The following MYH9 variants were observed in gnomAD, a reference collection of about 807,000 sequenced individuals.
MYH9 encodes myosin heavy chain 9.
MYH9 carries 29 observed loss-of-function variants against 241.9 expected under a neutral mutation model. The ratio of observed to expected loss-of-function variants is 0.12; its 90% CI spans 0.09 to 0.16. The LOEUF is 0.16. MYH9 is among the 10% of genes least tolerant of loss of function. The pLI is 1.00. For missense variants in MYH9, 1,803 were observed against 2,595.5 expected, an observed-to-expected ratio of 0.69 and a Z score of 6.63; for synonymous variants, 1,047 against 1,062.6, an observed-to-expected ratio of 0.99 and a Z score of 0.29.
intron 1 of MYH9, among the ~76,000 whole-genome samples, chr22:36,359,539 C>T (rs761361756): frequency 1.3e-5 from 2 of 152,214 alleles, no homozygotes; most frequent in Non-Finnish European, 2.9e-5. Context: ...GGAAAGAATG[C>T]ATACTGGGGC....
chr22:36,288,418 G>A lies in MYH9; in HGVS notation c.4771-5C>T. 1 of 1,607,972 alleles carries A rather than the reference G, an allele frequency of 6.2e-7. No individual in the cohort carries two copies. The highest frequency in any genetic ancestry group is 1.1e-5 in the South Asian group (1 of 91,066). ...CTCTGCCTCCATCTCCCGCACCTGG[G>A]GGAAGGAACATCAACAACTTGGGAA... On this transcript the variant is annotated splice_region_variant and splice_polypyrimidine_tract_variant and intron_variant, in intron 33 of 40. Coordinates refer to ENST00000216181, the MANE Select transcript of MYH9 (RefSeq NM_002473.6). This position sits in a 1 kb window ranked among gnomAD's most constrained non-coding sequence, Gnocchi z 4.8.
At chr22:36,286,646 A>T in intron 35 of MYH9, 72 bp downstream of exon 35, 1 of 1,600,872 alleles carries the variant, frequency 6.2e-7, no homozygotes, top group Non-Finnish European at 8.5e-7. Context: ...CCCTGTCCTC[A>T]GCTGAAAGCC....
chr22:36,354,909 C>T (rs2017828324), intron 1 of MYH9, among the ~76,000 whole-genome samples: 1 of 149,540 alleles, frequency 6.7e-6, no homozygotes, highest in East Asian at 2.0e-4. Flanking sequence ...AAGCAACCAA[C>T]CAGCATCATC....
At chr22:36,376,677 G>A (rs751960681) in intron 1 of MYH9, among the ~76,000 whole-genome samples, 3 of 152,172 alleles carry the variant, frequency 2.0e-5, no homozygotes, top group South Asian at 4.1e-4. Context: ...CTCCTCCCAG[G>A]GATTCCCCGA....
rs1430747182 is a variant in MYH9, at chr22:36,320,754, A to G, written c.868+44T>C. On this transcript the variant is annotated intron_variant, in intron 8 of 40. Coordinates refer to ENST00000216181, the MANE Select transcript of MYH9 (RefSeq NM_002473.6). The surrounding 1 kb of genome is among the most constrained non-coding windows in gnomAD (Gnocchi z 4.8). ...ACGGTCCAATTCTGGCAAGAGGCCC[A>G]GAGCCCGGCAGCCCCGGTGTCAGGC... 1 of 1,528,704 alleles carries G rather than the reference A, an allele frequency of 6.5e-7. No homozygotes were observed. The highest frequency in any genetic ancestry group is 9.1e-7 in the Non-Finnish European group (1 of 1,104,130). 94.7% of individuals were successfully genotyped at this position (1,528,704 alleles called of 1,614,324 possible). A position where few individuals can be genotyped will look rare whatever the true frequency, so the allele number is the denominator to read the frequency against.
chr22:36,379,122 A>G (rs1010659402), intron 1 of MYH9, among the ~76,000 whole-genome samples: 5 of 152,174 alleles, frequency 3.3e-5, no homozygotes, highest in Non-Finnish European at 4.4e-5. Flanking sequence ...TTAAAATGCA[A>G]GAAGAAAGGC....
Position 36,306,127 on chromosome 22 carries a change from G to A in MYH9, c.2038-76C>T. On this transcript the variant is annotated intron_variant, in intron 16 of 40. Coordinates refer to ENST00000216181, the MANE Select transcript of MYH9 (RefSeq NM_002473.6). The surrounding 1 kb of genome is among the most constrained non-coding windows in gnomAD (Gnocchi z 4.1). Reference sequence around the variant, plus strand: ...CGGAGAATAGTCAGGGAACCCCTATGAACCTGACAGGGCAAGAGCCTAAGG... The same window carrying A: ...CGGAGAATAGTCAGGGAACCCCTATAAACCTGACAGGGCAAGAGCCTAAGG... 6.3e-7 allele frequency: 1 copy of A among 1,596,874 alleles called. No homozygotes were observed. Among genetic ancestry groups the A allele is most frequent in the South Asian group, 1.1e-5 (1 of 90,606 alleles).
intron 1 of MYH9, among the ~76,000 whole-genome samples, chr22:36,358,503 T>G (rs1352830775): frequency 6.6e-6 from 1 of 152,120 alleles, no homozygotes; most frequent in East Asian, 1.9e-4. Context: ...AATAAATATA[T>G]TTAAACACCT....
At chr22:36,361,222 G>A (rs999519037) in intron 1 of MYH9, among the ~76,000 whole-genome samples, 4 of 152,204 alleles carry the variant, frequency 2.6e-5, no homozygotes, top group Non-Finnish European at 5.9e-5. Context: ...GCTGGAACTT[G>A]TTTCCATTAG....
intron 1 of MYH9, among the ~76,000 whole-genome samples, chr22:36,350,766 C>T (rs1252512533): frequency 6.6e-6 from 1 of 152,194 alleles, no homozygotes; most frequent in African/African-American, 2.4e-5. Flanking sequence ...CGACTAACAC[C>T]ATCGTTATTC....
rs138725057 is a variant in MYH9 at position 36,283,547 on chromosome 22, A to C, written c.5765+546T>G. 2.6e-4 allele frequency among the ~76,000 whole-genome samples: 39 copies of C among 151,556 alleles called. 1 individual carries two copies. The East Asian group carries it at 6.9e-3, about 27-fold the overall frequency. The stretch of plus-strand genomic sequence containing the variant: ...AGCGAAACTCCGTCTCAAAAAAAAA[A>C]AACAAAAAAAATAAAAAAAACACGT... On this transcript the variant is annotated intron_variant, in intron 40 of 40. Transcript: ENST00000216181.
chr22:36,374,455 G>A (rs746178524), intron 1 of MYH9, among the ~76,000 whole-genome samples: 1 of 152,232 alleles, frequency 6.6e-6, no homozygotes, highest in Non-Finnish European at 1.5e-5. Context: ...GGGAGGCGGA[G>A]GTTGCAGTGA....
Position 36,311,817 on chromosome 22 carries a change from G to A in MYH9, c.1728+232C>T, listed in dbSNP as rs9622376. On this transcript the variant is annotated intron_variant, in intron 14 of 40. Coordinates refer to ENST00000216181, the MANE Select transcript of MYH9 (RefSeq NM_002473.6). Reference sequence around the variant, plus strand: ...CATGATGACAACCAGCCTGGGCACCGCGGTGGAGTGCCGCAGGCTTCTAAC... The same window carrying A: ...CATGATGACAACCAGCCTGGGCACCACGGTGGAGTGCCGCAGGCTTCTAAC... 0.53 allele frequency among the ~76,000 whole-genome samples: 80,105 copies of A among 152,020 alleles called. 23,767 individuals are homozygous for A. Among genetic ancestry groups the A allele is most frequent in the Non-Finnish European group, 0.68 (45,906 of 67,966 alleles).
intron 1 of MYH9, among the ~76,000 whole-genome samples, chr22:36,377,184 G>A (rs772829288): frequency 6.6e-6 from 1 of 152,050 alleles, no homozygotes; most frequent in East Asian, 1.9e-4. Flanking sequence ...AGAAGACCCC[G>A]CCTTTGACCT....
At chr22:36,301,758 T>C in intron 20 of MYH9, 93 bp from the exon 21 acceptor site, 4 of 1,545,576 alleles carry the variant, frequency 2.6e-6, no homozygotes, top group Non-Finnish European at 3.5e-6. Context: ...TCTGGAAACA[T>C]GAAAGTGAGG....
intron 1 of MYH9, among the ~76,000 whole-genome samples, chr22:36,367,686 G>A (rs1353417010): frequency 2.0e-5 from 3 of 152,286 alleles, no homozygotes; most frequent in South Asian, 4.1e-4. Context: ...CGTGACTACC[G>A]CTTACTTTAC....
chr22:36,289,431 C>T lies in MYH9; in HGVS notation c.4345-134G>A, dbSNP rs560344179. ...AGGAGCAGGCCTAGGAAGCACAGGC[C>T]CAGGGCTGTGCCCAGGACAATACAC... On this transcript the variant is annotated intron_variant, in intron 31 of 40. Transcript: ENST00000216181. 46 of 785,234 alleles carry T rather than the reference C, an allele frequency of 5.9e-5. 1 individual carries two copies. In the East Asian group the frequency reaches 1.1e-3, roughly 20 times the overall value. 48.6% of individuals were successfully genotyped at this position (785,234 alleles called of 1,614,324 possible).
intron 2 of MYH9, 131 bp from the exon 3 acceptor site, chr22:36,341,657 G>A (rs1377810063): frequency 2.9e-6 from 3 of 1,041,090 alleles, no homozygotes; most frequent in East Asian, 2.7e-5. Context: ...CTCCCTGATG[G>A]CCCTTGCTCC....
intron 14 of MYH9, among the ~76,000 whole-genome samples, 189 bp from the exon 15 acceptor site, chr22:36,309,585 C>T (rs376132446): frequency 1.2e-4 from 19 of 152,322 alleles, no homozygotes; most frequent in South Asian, 8.3e-4. Flanking sequence ...ACGTTCTCTG[C>T]GGCGTCTCGT....
Sources: allele counts gnomAD v4.1 joint callset (sites outside exome capture counted in the v4.1 genomes callset), GRCh38; gene constraint gnomAD v4.1.1; non-coding constraint Gnocchi (gnomAD v3.1); transcripts MANE v1.5; gene names NCBI Gene and HGNC (gene_info 2026-07-23, HGNC 2026-07-21).